Variants in DACH2 observed in about 807,000 individuals in gnomAD.
DACH2 encodes dachshund family transcription factor 2, also known as dachshund homolog 2.
Under a neutral mutation model 35.8 loss-of-function variants are expected in DACH2, and 17 were observed. That is an observed-to-expected ratio of 0.48 (90% confidence interval 0.33 to 0.71). DACH2 has a LOEUF of 0.71. Among genes scored for constraint, DACH2 ranks in the 30% least tolerant of loss-of-function variants. The pLI, the probability that DACH2 is intolerant of heterozygous loss-of-function variation, is 0.02. For missense variants in DACH2, 469 were observed against 472.7 expected, an observed-to-expected ratio of 0.99 and a Z score of 0.07; for synonymous variants, 195 against 177.3, an observed-to-expected ratio of 1.10 and a Z score of -0.79.
intron 2 of DACH2, among the ~76,000 whole-genome samples, chrX:86,409,828 G>A (rs1048364817): frequency 8.9e-6 from 1 of 112,281 alleles, no homozygotes; most frequent in East Asian, 2.8e-4. Flanking sequence ...TTAATCTAAA[G>A]CCCATTTCAA....
chrX:86,404,562 G>T (rs1193242426), intron 2 of DACH2, among the ~76,000 whole-genome samples: 1 of 112,428 alleles, frequency 8.9e-6, no homozygotes, highest in Non-Finnish European at 1.9e-5. Flanking sequence ...CATGGACTTT[G>T]GCAGCTGTGC....
At chrX:86,537,198 A>T (rs1237753922) in intron 3 of DACH2, among the ~76,000 whole-genome samples, 1 of 111,501 alleles carries the variant, frequency 9.0e-6, no homozygotes, top group African/African-American at 3.3e-5. Context: ...CCACCCTTGG[A>T]CCCACATGAG....
Position 86,183,658 on chromosome X carries a change from G to A in DACH2, c.488+34550G>A, listed in dbSNP as rs994240933. Reference sequence around the variant, plus strand: ...TTTCCTTTTTTGTTGTGTCTCTGCCGGGTTTTGGTATCAGGATGATGCTGG... The same window carrying A: ...TTTCCTTTTTTGTTGTGTCTCTGCCAGGTTTTGGTATCAGGATGATGCTGG... On this transcript the variant is annotated intron_variant, in intron 1 of 11. Coordinates refer to ENST00000373125, the MANE Select transcript of DACH2 (RefSeq NM_053281.3). Among the ~76,000 whole-genome samples, 6 of 111,229 alleles carry A rather than the reference G, an allele frequency of 5.4e-5. No homozygotes were observed. The South Asian group carries it at 1.9e-3, about 35-fold the overall frequency.
At chrX:86,172,402 T>C (rs1199366474) in intron 1 of DACH2, among the ~76,000 whole-genome samples, 3 of 112,052 alleles carry the variant, frequency 2.7e-5, no homozygotes, top group Non-Finnish European at 5.6e-5. Context: ...TAGGAAGTAA[T>C]AGTATCTCAT....
chrX:86,767,850 C>A (rs1033355838), intron 7 of DACH2, among the ~76,000 whole-genome samples: 2 of 112,106 alleles, frequency 1.8e-5, no homozygotes, highest in African/African-American at 6.5e-5. Flanking sequence ...CAAGTTCTTT[C>A]CCCTCTACCA....
At chrX:86,744,444 A>T (rs911723174) in intron 7 of DACH2, among the ~76,000 whole-genome samples, 8 of 111,889 alleles carry the variant, frequency 7.1e-5, no homozygotes, top group African/African-American at 2.6e-4. Flanking sequence ...ATTAACTGTG[A>T]CAAGTAAGCA....
At chrX:86,158,838 C>G (rs1010475948) in intron 1 of DACH2, among the ~76,000 whole-genome samples, 13 of 108,005 alleles carry the variant, frequency 1.2e-4, no homozygotes, top group Non-Finnish European at 2.3e-4. Flanking sequence ...AGACTTTTTT[C>G]AGTCTTCGGA....
At chrX:86,532,912 G>A (rs772300888) in intron 3 of DACH2, among the ~76,000 whole-genome samples, 111 of 111,033 alleles carry the variant, frequency 1.0e-3, no homozygotes, top group African/African-American at 3.4e-3. Context: ...TTGTTTAAAA[G>A]AAATAAGTAA....
chrX:86,713,897 TCCTGAAATGA>T (rs1388957499), intron 5 of DACH2, among the ~76,000 whole-genome samples: 1 of 112,086 alleles, frequency 8.9e-6, no homozygotes, highest in Non-Finnish European at 1.9e-5. Flanking sequence ...AAAATGAAAT[TCCTGAAATGA>T]CCTAACAATA....
intron 5 of DACH2, among the ~76,000 whole-genome samples, chrX:86,702,073 C>T (rs746859912): frequency 1.8e-5 from 2 of 111,586 alleles, no homozygotes; most frequent in Non-Finnish European, 3.8e-5. Flanking sequence ...TATGAAATAT[C>T]TTATCAGGCC....
intron 2 of DACH2, among the ~76,000 whole-genome samples, chrX:86,492,526 G>C (rs2038107778): frequency 8.9e-6 from 1 of 111,958 alleles, no homozygotes; most frequent in Non-Finnish European, 1.9e-5. Context: ...GTGATGCTGA[G>C]GTTTGAGATA....
At chrX:86,271,368 T>C (rs771723405) in intron 1 of DACH2, among the ~76,000 whole-genome samples, 6 of 112,394 alleles carry the variant, frequency 5.3e-5, no homozygotes, top group Non-Finnish European at 1.1e-4. Flanking sequence ...ATCCACATAG[T>C]TAATTTGATT....
chrX:86,556,181 G>A (rs1218516897), intron 3 of DACH2, among the ~76,000 whole-genome samples: 2 of 111,121 alleles, frequency 1.8e-5, no homozygotes, highest in African/African-American at 6.5e-5. Context: ...AATAGGGGAA[G>A]CTCTCCTGTT....
rs911631643 is a variant in DACH2 at position 86,369,330 on chromosome X, T to G, written c.489-7494T>G. On this transcript the variant is annotated intron_variant, in intron 1 of 11. Coordinates refer to ENST00000373125, the MANE Select transcript of DACH2 (RefSeq NM_053281.3). ...TTTATCTTATTTTGAAATATTTTAT[T>G]TTAGACTATTTTAAAATATTTTATT... Among the ~76,000 whole-genome samples, 6 of 111,487 alleles carry G rather than the reference T, an allele frequency of 5.4e-5. No homozygotes were observed. In the South Asian group the frequency reaches 2.2e-3, roughly 41 times the overall value.
At chrX:86,790,376 G>T (rs1376646190) in intron 7 of DACH2, among the ~76,000 whole-genome samples, 1 of 111,735 alleles carries the variant, frequency 8.9e-6, no homozygotes, top group African/African-American at 3.3e-5. Flanking sequence ...TAAAGAACAA[G>T]TACACAAGAG....
chrX:86,531,703 G>A (rs1348128908), intron 3 of DACH2, among the ~76,000 whole-genome samples: 1 of 112,741 alleles, frequency 8.9e-6, no homozygotes, highest in Admixed American at 9.3e-5. Flanking sequence ...GCAATGCAGA[G>A]GGAAAATGTG....
chrX:86,472,461 ACC>A (rs2148223645), intron 2 of DACH2, among the ~76,000 whole-genome samples: 1 of 111,626 alleles, frequency 9.0e-6, no homozygotes, highest in African/African-American at 3.2e-5. Context: ...CAGACTTCTG[ACC>A]CCAGAACTAT....
intron 7 of DACH2, among the ~76,000 whole-genome samples, chrX:86,762,799 T>G (rs1162939996): frequency 8.9e-6 from 1 of 112,147 alleles, no homozygotes; most frequent in Non-Finnish European, 1.9e-5. Context: ...CTCAATCATT[T>G]ATCTTTTGCA....
chrX:86,801,052 T>G (rs1006165007), intron 7 of DACH2, among the ~76,000 whole-genome samples: 13 of 111,384 alleles, frequency 1.2e-4, no homozygotes, highest in Admixed American at 1.1e-3. Context: ...CCTTGTTAAT[T>G]AAATATATAT....
Sources: allele counts gnomAD v4.1 joint callset (sites outside exome capture counted in the v4.1 genomes callset), GRCh38; gene constraint gnomAD v4.1.1; transcripts MANE v1.5; gene names NCBI Gene and HGNC (gene_info 2026-07-23, HGNC 2026-07-21).